ULK4: variants seen among roughly 807,000 people sequenced by gnomAD.
The protein encoded by ULK4 is inactive serine/threonine-protein kinase ULK4.
ULK4 carries 133 observed loss-of-function variants against 160.6 expected under a neutral mutation model. The ratio of observed to expected loss-of-function variants is 0.83; its 90% CI spans 0.72 to 0.96. ULK4 has a LOEUF of 0.96. Among genes scored for constraint, ULK4 ranks in the 40% least tolerant of loss-of-function variants. ULK4 has a pLI of 0.00. For missense variants in ULK4, 1,580 were observed against 1,499.5 expected (o/e 1.05, Z -0.89); for synonymous variants, 534 against 539.8 (o/e 0.99, Z 0.15).
Position 41,878,910 on chromosome 3 carries a change from C to A in ULK4, c.1656+4964G>T, listed in dbSNP as rs1281891234. On this transcript the variant is annotated intron_variant, in intron 17 of 36. Transcript: ENST00000301831. ...TTCCTATTTCCCCAAGCCATCCCCCCAAAAAAAAGTACTGAATCAAGGGTC... is the reference window on the plus strand; with the variant it reads ...TTCCTATTTCCCCAAGCCATCCCCCAAAAAAAAAGTACTGAATCAAGGGTC... 7.3e-5 allele frequency among the ~76,000 whole-genome samples: 7 copies of A among 96,178 alleles called. No individual in the cohort carries two copies. The South Asian group carries it at 1.4e-3, about 19-fold the overall frequency. The allele number at this position is 96,178 out of a possible 152,430, so 63.1% of individuals were successfully genotyped here. A position where few individuals can be genotyped will look rare whatever the true frequency, so the allele number is the denominator to read the frequency against.
chr3:41,901,168 G>GTTTTT (rs1698337236), intron 12 of ULK4, among the ~76,000 whole-genome samples: 26 of 116,876 alleles, frequency 2.2e-4, no homozygotes, highest in Middle Eastern at 4.2e-3. Flanking sequence ...TAACAGCATG[G>GTTTTT]CTTCTTTTTT....
chr3:41,734,780 A>G (rs1173318866), intron 22 of ULK4, among the ~76,000 whole-genome samples: 5 of 152,226 alleles, frequency 3.3e-5, no homozygotes, highest in African/African-American at 7.2e-5. Context: ...AAGTCACATT[A>G]GCCCTAAAAA....
At chr3:41,824,378 C>G (rs924943816) in intron 18 of ULK4, among the ~76,000 whole-genome samples, 2 of 151,850 alleles carry the variant, frequency 1.3e-5, no homozygotes, top group African/African-American at 4.8e-5. Context: ...ATTGCCTCAC[C>G]GGGGAAGCGC....
intron 35 of ULK4, among the ~76,000 whole-genome samples, chr3:41,326,362 C>A (rs1056074875): frequency 6.6e-6 from 1 of 152,114 alleles, no homozygotes; most frequent in Admixed American, 6.5e-5. Flanking sequence ...CTGCCCGCTA[C>A]AATCCCCAGT....
chr3:41,742,936 T>C (rs763206507), intron 22 of ULK4, among the ~76,000 whole-genome samples: 68 of 150,064 alleles, frequency 4.5e-4, no homozygotes, highest in Non-Finnish European at 7.4e-4. Context: ...AGAGAAAAAA[T>C]AGACAAAAGA....
intron 35 of ULK4, among the ~76,000 whole-genome samples, chr3:41,397,708 G>A (rs1041361270): frequency 6.6e-6 from 1 of 152,134 alleles, no homozygotes; most frequent in African/African-American, 2.4e-5. Flanking sequence ...TGGGACAGCT[G>A]ACCCAACTAG....
At position 41,833,322 on chromosome 3, in the gene ULK4, A is replaced by G. The variant is rs532641900; in HGVS notation, c.1764+2542T>C. 4.0e-3 allele frequency among the ~76,000 whole-genome samples: 579 copies of G among 144,164 alleles called. 3 individuals carry two copies. Among genetic ancestry groups the G allele is most frequent in the African/African-American group, 0.014 (547 of 39,114 alleles). The allele number at this position is 144,164 out of a possible 152,430, so 94.6% of individuals were successfully genotyped here. On this transcript the variant is annotated intron_variant, in intron 18 of 36. Coordinates refer to ENST00000301831, the MANE Select transcript of ULK4 (RefSeq NM_017886.4). Reference sequence around the variant, plus strand: ...TTTTGTTTGTTTGTTTTGAGATGCCATCTTGCTCTGTCGCCCAGGCTGGAG... The same window carrying G: ...TTTTGTTTGTTTGTTTTGAGATGCCGTCTTGCTCTGTCGCCCAGGCTGGAG...
At chr3:41,445,614 G>C (rs995009975) in intron 34 of ULK4, among the ~76,000 whole-genome samples, 1 of 152,152 alleles carries the variant, frequency 6.6e-6, no homozygotes, top group South Asian at 2.1e-4. Flanking sequence ...ACAAAAACAA[G>C]AAATGGGGAA....
chr3:41,711,777 G>C (rs1212526456), intron 25 of ULK4, among the ~76,000 whole-genome samples: 1 of 152,210 alleles, frequency 6.6e-6, no homozygotes, highest in Admixed American at 6.5e-5. Flanking sequence ...AGGAAATATA[G>C]TGAATGTTAG....
intron 35 of ULK4, among the ~76,000 whole-genome samples, chr3:41,369,061 G>A (rs1197367357): frequency 2.6e-5 from 4 of 152,154 alleles, no homozygotes; most frequent in African/African-American, 9.7e-5. Flanking sequence ...AGACATTCTT[G>A]TATTAATTGG....
rs1003539938 is a variant in ULK4, at chr3:41,776,328, T to C, written c.2193+13333A>G. The stretch of plus-strand genomic sequence containing the variant: ...CTATTTTTCATATCCTGGATACTAA[T>C]CATTAAGAAAAGTTTCCCTACAACA... On this transcript the variant is annotated intron_variant, in intron 21 of 36. Coordinates refer to ENST00000301831, the MANE Select transcript of ULK4 (RefSeq NM_017886.4). Among the ~76,000 whole-genome samples the C allele has an allele frequency of 2.0e-5, 3 of 150,798 alleles. No individual in the cohort carries two copies. In the South Asian group the frequency reaches 6.2e-4, roughly 31 times the overall value.
chr3:41,705,327 A>AT (rs1427558420), intron 25 of ULK4, 22 bp from the exon 26 acceptor site: 1 of 1,570,394 alleles, frequency 6.4e-7, no homozygotes, highest in Non-Finnish European at 8.7e-7. Context: ...TAAATTTTTA[A>AT]TAAATAGAGT....
intron 34 of ULK4, among the ~76,000 whole-genome samples, chr3:41,401,639 A>G (rs1229693407): frequency 6.6e-6 from 1 of 152,148 alleles, no homozygotes; most frequent in African/African-American, 2.4e-5. Flanking sequence ...TGTTTTAGGC[A>G]GTCTTCTGCG....
intron 22 of ULK4, among the ~76,000 whole-genome samples, chr3:41,736,037 C>T (rs1353965629): frequency 6.6e-6 from 1 of 151,702 alleles, no homozygotes; most frequent in African/African-American, 2.4e-5. Context: ...TTTTTTATGG[C>T]TGTATAGTAT....
At chr3:41,628,635 A>T (rs1424919140) in intron 30 of ULK4, among the ~76,000 whole-genome samples, 1 of 152,212 alleles carries the variant, frequency 6.6e-6, no homozygotes, top group Non-Finnish European at 1.5e-5. Context: ...AAACAAATGT[A>T]ATGTGGGATC....
chr3:41,695,599 T>C (rs980293661), intron 27 of ULK4, among the ~76,000 whole-genome samples: 9 of 152,056 alleles, frequency 5.9e-5, no homozygotes, highest in African/African-American at 1.2e-4. Context: ...CAAAATAATA[T>C]AGTAATGAAG....
At chr3:41,526,262 G>T (rs1308415649) in intron 32 of ULK4, among the ~76,000 whole-genome samples, 1 of 152,052 alleles carries the variant, frequency 6.6e-6, no homozygotes, top group Admixed American at 6.6e-5. Context: ...TTATGTACAG[G>T]TTCCTTCCTG....
At chr3:41,468,902 G>A (rs1437605996) in intron 32 of ULK4, among the ~76,000 whole-genome samples, 2 of 152,176 alleles carry the variant, frequency 1.3e-5, no homozygotes, top group African/African-American at 4.8e-5. Context: ...ACAAAGAAAG[G>A]AGGTGTAGTA....
At chr3:41,282,920 C>A (rs1254378479) in intron 35 of ULK4, among the ~76,000 whole-genome samples, 8 of 149,068 alleles carry the variant, frequency 5.4e-5, no homozygotes. Flanking sequence ...GGGCTAATAT[C>A]TAGAATCTAC....
Sources: gnomAD v4.1 joint callset for allele counts (sites outside exome capture counted in the v4.1 genomes callset) on GRCh38, gnomAD v4.1.1 for gene constraint, MANE v1.5 for transcripts, NCBI Gene and HGNC (gene_info 2026-07-23, HGNC 2026-07-21) for gene names.